Variants in IL1RAPL1 observed in about 807,000 individuals in gnomAD.
IL1RAPL1 encodes the protein interleukin-1 receptor accessory protein-like 1.
A neutral mutation model predicts 48.4 loss-of-function variants in IL1RAPL1; 3 were observed. The observed-to-expected ratio is 0.06, with a 90% confidence interval of 0.03 to 0.16. IL1RAPL1 has a LOEUF of 0.16. Ranked by LOEUF, IL1RAPL1 falls within the 10% of genes least tolerant of loss-of-function variation. IL1RAPL1 has a pLI of 1.00. For missense variants in IL1RAPL1, 349 were observed against 530.6 expected (o/e 0.66, Z 3.36); for synonymous variants, 185 against 187.7 (o/e 0.99, Z 0.12).
chrX:29,221,022 C>T (rs1366428695), intron 2 of IL1RAPL1, among the ~76,000 whole-genome samples: 2 of 111,008 alleles, frequency 1.8e-5, no homozygotes, highest in Admixed American at 1.9e-4. Context: ...CGGGTTCAAG[C>T]GATTCTACTG....
chrX:29,335,083 G>A (rs1232592331), intron 3 of IL1RAPL1, among the ~76,000 whole-genome samples: 5 of 111,420 alleles, frequency 4.5e-5, no homozygotes, highest in Non-Finnish European at 7.6e-5. Flanking sequence ...AGACCAGCCC[G>A]GCCAACACAG....
intron 2 of IL1RAPL1, among the ~76,000 whole-genome samples, chrX:29,096,182 C>A (rs372413153): frequency 9.9e-4 from 110 of 111,152 alleles, no homozygotes; most frequent in Middle Eastern, 4.7e-3. Flanking sequence ...AAAACTAGTC[C>A]TGTGGTTGCT....
intron 5 of IL1RAPL1, among the ~76,000 whole-genome samples, chrX:29,554,316 T>C (rs1274925844): frequency 3.6e-5 from 4 of 111,383 alleles, no homozygotes; most frequent in Non-Finnish European, 5.7e-5. Context: ...GAAAAAAAGA[T>C]TCAAAATTAT....
At chrX:29,245,362 C>T (rs1378974614) in intron 2 of IL1RAPL1, among the ~76,000 whole-genome samples, 1 of 111,629 alleles carries the variant, frequency 9.0e-6, no homozygotes, top group African/African-American at 3.3e-5. Context: ...CTGTCTTCCA[C>T]AATGGTTGAA....
Position 29,213,119 on chromosome X carries a change from C to T in IL1RAPL1, c.83-69819C>T, listed in dbSNP as rs775293936. 3.6e-5 allele frequency among the ~76,000 whole-genome samples: 4 copies of T among 111,872 alleles called. No individual in the cohort carries two copies. In the South Asian group the frequency reaches 1.5e-3, roughly 42 times the overall value. On this transcript the variant is annotated intron_variant, in intron 2 of 10. Coordinates refer to ENST00000378993, the MANE Select transcript of IL1RAPL1 (RefSeq NM_014271.4). Reference sequence around the variant, plus strand: ...GTTCAAATGATTCTCCTGCCTCAGCCTCCCGAGTAGCTGGGATTACAGGCA... The same window carrying T: ...GTTCAAATGATTCTCCTGCCTCAGCTTCCCGAGTAGCTGGGATTACAGGCA...
chrX:29,460,169 T>C (rs983314704), intron 5 of IL1RAPL1, among the ~76,000 whole-genome samples: 1 of 112,156 alleles, frequency 8.9e-6, no homozygotes, highest in South Asian at 3.7e-4. Flanking sequence ...GTATTTTTCC[T>C]AAGTCGTTAC....
intron 6 of IL1RAPL1, among the ~76,000 whole-genome samples, chrX:29,861,972 A>G (rs1931594808): frequency 9.0e-6 from 1 of 110,695 alleles, no homozygotes; most frequent in Non-Finnish European, 1.9e-5. Context: ...GGAGGCCAAG[A>G]TGGGAGGATT....
At chrX:29,548,696 A>G (rs1451039061) in intron 5 of IL1RAPL1, among the ~76,000 whole-genome samples, 1 of 111,979 alleles carries the variant, frequency 8.9e-6, no homozygotes, top group Non-Finnish European at 1.9e-5. Flanking sequence ...CTCAATAACA[A>G]CCCTTGGATA....
intron 2 of IL1RAPL1, among the ~76,000 whole-genome samples, chrX:29,265,832 T>C (rs1931947661): frequency 9.1e-6 from 1 of 109,805 alleles, no homozygotes; most frequent in South Asian, 4.0e-4. Flanking sequence ...CAGTATTCCA[T>C]GGTGTATATG....
chrX:29,534,076 C>G (rs1921133550), intron 5 of IL1RAPL1, among the ~76,000 whole-genome samples: 1 of 111,843 alleles, frequency 8.9e-6, no homozygotes, highest in Admixed American at 9.5e-5. Flanking sequence ...TCACCAAAAG[C>G]TGGTCTCATG....
rs776976806 is a variant in IL1RAPL1 at position 29,791,492 on chromosome X, C to T, written c.778+122988C>T. On this transcript the variant is annotated intron_variant, in intron 6 of 10. Coordinates refer to ENST00000378993, the MANE Select transcript of IL1RAPL1 (RefSeq NM_014271.4). ...AGGCTGGAGTGCAATGGCGTGATCT[C>T]GGCTCACTGCAACCTCTAGCTCAGA... Among the ~76,000 whole-genome samples, 5 of 103,329 alleles carry T rather than the reference C, an allele frequency of 4.8e-5. No individual in the cohort carries two copies. In the East Asian group the frequency reaches 9.1e-4, roughly 19 times the overall value. 89.7% of individuals were successfully genotyped at this position (103,329 alleles called of 115,157 possible). A position where few individuals can be genotyped will look rare whatever the true frequency, so the allele number is the denominator to read the frequency against.
intron 5 of IL1RAPL1, among the ~76,000 whole-genome samples, chrX:29,436,400 T>A: frequency 9.0e-6 from 1 of 110,498 alleles, no homozygotes; most frequent in South Asian, 3.7e-4. Context: ...AAATGCAGCT[T>A]TGATTTTACT....
chrX:29,537,569 GATCAA>G (rs777503805), intron 5 of IL1RAPL1, among the ~76,000 whole-genome samples: 105 of 100,885 alleles, frequency 1.0e-3, no homozygotes, highest in Admixed American at 5.2e-3. Context: ...AAACAATTAA[GATCAA>G]ATCAAGAGAA....
chrX:29,764,837 A>G (rs1284185022), intron 6 of IL1RAPL1, among the ~76,000 whole-genome samples: 1 of 111,662 alleles, frequency 9.0e-6, no homozygotes, highest in Non-Finnish European at 1.9e-5. Flanking sequence ...AGTCCATTTT[A>G]TGGGTTTTCT....
intron 5 of IL1RAPL1, among the ~76,000 whole-genome samples, chrX:29,605,465 T>C (rs1923864357): frequency 9.0e-6 from 1 of 111,455 alleles, no homozygotes; most frequent in Non-Finnish European, 1.9e-5. Context: ...TACATTTTTT[T>C]TTAATGTGCT....
At chrX:29,063,090 C>A (rs1927376373) in intron 2 of IL1RAPL1, among the ~76,000 whole-genome samples, 1 of 111,427 alleles carries the variant, frequency 9.0e-6, no homozygotes, top group Admixed American at 9.6e-5. Flanking sequence ...TATACATAAT[C>A]TATACCTATT....
At chrX:29,798,732 T>C (rs1467810695) in intron 6 of IL1RAPL1, among the ~76,000 whole-genome samples, 2 of 112,343 alleles carry the variant, frequency 1.8e-5, no homozygotes, top group African/African-American at 3.2e-5. Flanking sequence ...CACAACCTGA[T>C]TGATCAAATG....
intron 2 of IL1RAPL1, among the ~76,000 whole-genome samples, chrX:29,008,310 G>GACTACAGGCGCCCGCC (rs770365313): frequency 0.061 from 6,748 of 110,479 alleles, 280 homozygotes; most frequent in African/African-American, 0.12. Context: ...GGGTAGCTGG[G>GACTACAGGCGCCCGCC]ACTACAGGCG....
intron 6 of IL1RAPL1, among the ~76,000 whole-genome samples, chrX:29,861,044 A>C (rs1931572063): frequency 8.9e-6 from 1 of 112,210 alleles, no homozygotes; most frequent in Admixed American, 9.5e-5. Context: ...GTTTCTAAAG[A>C]GCTCAGGAGT....
Sources: allele counts gnomAD v4.1 joint callset (sites outside exome capture counted in the v4.1 genomes callset), GRCh38; gene constraint gnomAD v4.1.1; transcripts MANE v1.5; gene names NCBI Gene and HGNC (gene_info 2026-07-23, HGNC 2026-07-21).